Variants in CCR5AS observed in about 807,000 individuals in gnomAD.
The protein encoded by CCR5AS is CCR5 antisense RNA.
chr3:46,400,593 T>C (rs2106779794), intron 1 of CCR5AS, among the ~76,000 whole-genome samples: 1 of 152,302 alleles, frequency 6.6e-6, no homozygotes, highest in South Asian at 2.1e-4. Context: ...GGTAAATCAA[T>C]GTTAACAAAC....
chr3:46,384,624 G>A lies in CCR5AS; in HGVS notation n.391+8201C>T, dbSNP rs578166050. Among the ~76,000 whole-genome samples the A allele has an allele frequency of 2.6e-5, 4 of 152,342 alleles. No individual in the cohort carries two copies. The East Asian group carries it at 7.7e-4, about 29-fold the overall frequency. On this transcript the variant is annotated intron_variant and non_coding_transcript_variant, in intron 2 of 3. Transcript: ENST00000451485. ...CGGGATAAGGCTCTGAGAGCCAGATGAGGATGAGTTATCCAATCCAAGGAT... is the reference window on the plus strand; with the variant it reads ...CGGGATAAGGCTCTGAGAGCCAGATAAGGATGAGTTATCCAATCCAAGGAT...
chr3:46,373,240 T>G (rs200815713), intron 2 of CCR5AS: 1 of 1,614,072 alleles, frequency 6.2e-7, no homozygotes, highest in Admixed American at 1.7e-5. Flanking sequence ...ATAGGCTTCT[T>G]CTCTGGAATC....
At chr3:46,366,452 C>T (rs147208767) in intron 3 of CCR5AS, among the ~76,000 whole-genome samples, 79 of 152,288 alleles carry the variant, frequency 5.2e-4, no homozygotes, top group African/African-American at 1.8e-3. Context: ...GCCTAGACAC[C>T]GATCTGAAAG....
chr3:46,364,341 A>C (rs1701580756), downstream of CCR5AS, among the ~76,000 whole-genome samples: 1 of 152,154 alleles, frequency 6.6e-6, no homozygotes, highest in Admixed American at 6.5e-5. Flanking sequence ...TGCGAAATCT[A>C]CTCTATCTGT....
intron 1 of CCR5AS, among the ~76,000 whole-genome samples, chr3:46,401,401 T>C (rs977557660): frequency 2.6e-5 from 4 of 151,840 alleles, no homozygotes; most frequent in Non-Finnish European, 5.9e-5. Flanking sequence ...ACAAGAAGTA[T>C]AATAGAGGAA....
chr3:46,389,406 G>C (rs1408375585), intron 2 of CCR5AS, among the ~76,000 whole-genome samples: 2 of 152,156 alleles, frequency 1.3e-5, no homozygotes, highest in Non-Finnish European at 2.9e-5. Flanking sequence ...AGAGTGTGAG[G>C]GGTCAGACTT....
chr3:46,368,634 A>G (rs950286905), intron 3 of CCR5AS, among the ~76,000 whole-genome samples: 1 of 152,220 alleles, frequency 6.6e-6, no homozygotes, highest in Non-Finnish European at 1.5e-5. Flanking sequence ...TAACTTGGCC[A>G]TAGAATCATG....
chr3:46,378,285 A>G (rs1222875432), intron 2 of CCR5AS, among the ~76,000 whole-genome samples: 1 of 152,110 alleles, frequency 6.6e-6, no homozygotes, highest in African/African-American at 2.4e-5. Flanking sequence ...CATATGACAT[A>G]TATCTTTATA....
intron 2 of CCR5AS, among the ~76,000 whole-genome samples, chr3:46,387,050 A>C (rs1211026950): frequency 3.9e-5 from 6 of 152,336 alleles, no homozygotes; most frequent in African/African-American, 1.4e-4. Context: ...ATAAAGAAAG[A>C]AAAGAGAAAA....
intron 1 of CCR5AS, among the ~76,000 whole-genome samples, chr3:46,404,005 T>C (rs1702023850): frequency 6.6e-6 from 1 of 152,178 alleles, no homozygotes; most frequent in South Asian, 2.1e-4. Context: ...GAGAAATGTT[T>C]ATGGGGTCCA....
At chr3:46,373,560 A>G (rs869095413) in intron 2 of CCR5AS, 7 of 1,611,514 alleles carry the variant, frequency 4.3e-6, no homozygotes, top group Non-Finnish European at 5.9e-6. Flanking sequence ...AATCCTAAAA[A>G]CTCTGCTTCG....
intron 1 of CCR5AS, among the ~76,000 whole-genome samples, chr3:46,401,504 TGG>T (rs1702005729): frequency 1.3e-5 from 2 of 152,064 alleles, no homozygotes; most frequent in African/African-American, 4.8e-5. Context: ...GTGAAGGAGA[TGG>T]GGAATGACGC....
chr3:46,373,182 T>G (rs754530124), intron 2 of CCR5AS: 5 of 1,614,140 alleles, frequency 3.1e-6, no homozygotes, highest in Non-Finnish European at 4.2e-6. Context: ...TGCCGCCCAG[T>G]GGGACTTTGG....
At chr3:46,405,977 G>A (rs1020804809) in intron 1 of CCR5AS, among the ~76,000 whole-genome samples, 2 of 151,514 alleles carry the variant, frequency 1.3e-5, no homozygotes, top group African/African-American at 2.4e-5. Flanking sequence ...CTGGGCTCAC[G>A]TGAACATCCC....
At chr3:46,373,516 T>C (rs1212379713) in intron 2 of CCR5AS, 1 of 1,613,372 alleles carries the variant, frequency 6.2e-7, no homozygotes, top group African/African-American at 1.3e-5. Context: ...GGGCTGGTCC[T>C]GCCGCTGCTT....
intron 2 of CCR5AS, among the ~76,000 whole-genome samples, chr3:46,383,215 T>G (rs1370288670): frequency 2.0e-5 from 3 of 152,144 alleles, no homozygotes; most frequent in Non-Finnish European, 4.4e-5. Context: ...GCCTCACAAC[T>G]TTATGGCACT....
intron 3 of CCR5AS, among the ~76,000 whole-genome samples, chr3:46,369,471 T>C (rs145146492): frequency 2.1e-3 from 324 of 152,274 alleles, no homozygotes; most frequent in African/African-American, 7.5e-3. Flanking sequence ...CGCTGGGCTA[T>C]TTCTATACTG....
chr3:46,365,934 G>C (rs1307145180), intron 3 of CCR5AS, among the ~76,000 whole-genome samples: 1 of 152,154 alleles, frequency 6.6e-6, no homozygotes, highest in African/African-American at 2.4e-5. Flanking sequence ...TGCTCAGCTT[G>C]TCTGCTGCCC....
At chr3:46,401,222 C>A (rs778097463) in intron 1 of CCR5AS, among the ~76,000 whole-genome samples, 1 of 152,086 alleles carries the variant, frequency 6.6e-6, no homozygotes, top group Non-Finnish European at 1.5e-5. Context: ...GATTGGTCCA[C>A]GCAGGCCACA....
Sources: allele counts gnomAD v4.1 joint callset (sites outside exome capture counted in the v4.1 genomes callset), GRCh38; gene constraint gnomAD v4.1.1; transcripts MANE v1.5; gene names NCBI Gene and HGNC (gene_info 2026-07-23, HGNC 2026-07-21).